Variants in GRB14 observed in about 807,000 individuals in gnomAD.
GRB14 encodes the protein growth factor receptor-bound protein 14.
A neutral mutation model predicts 69.1 loss-of-function variants in GRB14; 38 were observed. That is an observed-to-expected ratio of 0.55 (90% confidence interval 0.42 to 0.72). The LOEUF (loss-of-function observed/expected upper bound fraction) is 0.72. Ranked by LOEUF, GRB14 falls within the 30% of genes least tolerant of loss-of-function variation. The pLI is 0.00. For missense variants in GRB14, 666 were observed against 666.1 expected, an observed-to-expected ratio of 1.00 and a Z score of 0.00; for synonymous variants, 247 against 241.3, an observed-to-expected ratio of 1.02 and a Z score of -0.22.
chr2:164,526,166 AG>A (rs1687769257), intron 4 of GRB14, among the ~76,000 whole-genome samples: 1 of 152,122 alleles, frequency 6.6e-6, no homozygotes, highest in Non-Finnish European at 1.5e-5. Flanking sequence ...TTCTATTAAT[AG>A]GTTAAGATAA....
intron 2 of GRB14, among the ~76,000 whole-genome samples, chr2:164,563,177 C>G (rs965567764): frequency 1.3e-5 from 2 of 152,172 alleles, no homozygotes; most frequent in African/African-American, 4.8e-5. Context: ...CCACTTATTA[C>G]CATACCTACA....
chr2:164,553,968 T>C (rs908313234), intron 2 of GRB14, among the ~76,000 whole-genome samples: 1 of 151,992 alleles, frequency 6.6e-6, no homozygotes, highest in Non-Finnish European at 1.5e-5. Context: ...AAAGAATATA[T>C]ATATATATAA....
In GRB14 at chr2:164,603,662, C is replaced by CA. The variant is rs1257080656; in HGVS notation, c.324+16024dup. Among the ~76,000 whole-genome samples the CA allele has an allele frequency of 4.6e-3, 308 of 66,634 alleles. 1 individual carries two copies. Among genetic ancestry groups the CA allele is most frequent in the East Asian group, 0.014 (60 of 4,170 alleles). The allele number at this position is 66,634 out of a possible 152,430, so 43.7% of individuals were successfully genotyped here. ...TGGGTGACAGAGTGAGACACCACCT[C>CA]AAAAAAAAAATATATATATATTAAC... is the stretch of plus-strand genomic sequence containing the variant. On this transcript the variant is annotated intron_variant, in intron 2 of 13. Coordinates refer to ENST00000263915, the MANE Select transcript of GRB14 (RefSeq NM_004490.3).
chr2:164,578,946 A>G (rs1689322309), intron 2 of GRB14, among the ~76,000 whole-genome samples: 1 of 152,210 alleles, frequency 6.6e-6, no homozygotes, highest in Admixed American at 6.5e-5. Context: ...ATAAAATGTA[A>G]TATATTCAGA....
intron 3 of GRB14, among the ~76,000 whole-genome samples, chr2:164,529,111 A>G (rs765376247): frequency 2.0e-5 from 3 of 152,190 alleles, no homozygotes; most frequent in Non-Finnish European, 4.4e-5. Flanking sequence ...ATGCTACAAC[A>G]TAGATGAACC....
Position 164,601,041 on chromosome 2 carries a change from C to G in GRB14, c.324+18646G>C, listed in dbSNP as rs182804126. On this transcript the variant is annotated intron_variant, in intron 2 of 13. Transcript: ENST00000263915. ...ACTTCATCTACTTTGTCCAATTGTTCTCTAGGCCACAGGGCAGAATTTTTA... is the reference window on the plus strand; with the variant it reads ...ACTTCATCTACTTTGTCCAATTGTTGTCTAGGCCACAGGGCAGAATTTTTA... 1.1e-4 allele frequency among the ~76,000 whole-genome samples: 17 copies of G among 152,136 alleles called. No individual in the cohort carries two copies. In the East Asian group the frequency reaches 2.9e-3, roughly 26 times the overall value.
chr2:164,523,008 A>T lies in GRB14; in HGVS notation c.679-891T>A, dbSNP rs772788601. ...GAGACCATCACAGGTAAAAAGTCCA[A>T]TGCAACTGGAAAAGCCCTGCAGGAT... On this transcript the variant is annotated intron_variant, in intron 5 of 13. Coordinates refer to ENST00000263915, the MANE Select transcript of GRB14 (RefSeq NM_004490.3). 3.3e-5 allele frequency among the ~76,000 whole-genome samples: 5 copies of T among 152,050 alleles called. No homozygotes were observed. In the South Asian group the frequency reaches 1.0e-3, roughly 31 times the overall value.
At chr2:164,527,929 C>A (rs1574274136) in intron 3 of GRB14, among the ~76,000 whole-genome samples, 1 of 152,000 alleles carries the variant, frequency 6.6e-6, no homozygotes, top group African/African-American at 2.4e-5. Flanking sequence ...AAACTTGAAA[C>A]TACCCAAATG....
At chr2:164,582,422 T>TA (rs750552694) in intron 2 of GRB14, among the ~76,000 whole-genome samples, 2 of 114,292 alleles carry the variant, frequency 1.7e-5, no homozygotes, top group Non-Finnish European at 3.5e-5. Context: ...TATTTATTTA[T>TA]TATTTTTTTT....
intron 2 of GRB14, among the ~76,000 whole-genome samples, chr2:164,577,697 T>A (rs534077525): frequency 6.6e-6 from 1 of 152,286 alleles, no homozygotes; most frequent in South Asian, 2.1e-4. Context: ...AATAAAACTG[T>A]AGTTAGCCAA....
chr2:164,613,042 G>C (rs116278253), intron 2 of GRB14, among the ~76,000 whole-genome samples: 94 of 152,258 alleles, frequency 6.2e-4, no homozygotes, highest in African/African-American at 1.7e-3. Context: ...GGGGTTAAGG[G>C]ACCTCAGTAA....
chr2:164,577,512 G>C (rs1269925752), intron 2 of GRB14, among the ~76,000 whole-genome samples: 1 of 152,210 alleles, frequency 6.6e-6, no homozygotes, highest in Non-Finnish European at 1.5e-5. Flanking sequence ...GTGAAGACAT[G>C]CTTGCTTCCC....
At chr2:164,499,145 T>C (rs918289720) in intron 9 of GRB14, among the ~76,000 whole-genome samples, 4 of 152,188 alleles carry the variant, frequency 2.6e-5, no homozygotes, top group African/African-American at 9.6e-5. Flanking sequence ...TATCTCTCCG[T>C]TTACATGCCA....
chr2:164,578,904 A>G (rs1689321414), intron 2 of GRB14, among the ~76,000 whole-genome samples: 1 of 152,244 alleles, frequency 6.6e-6, no homozygotes, highest in Non-Finnish European at 1.5e-5. Context: ...AAATGTGGAA[A>G]CACCATATAT....
intron 3 of GRB14, among the ~76,000 whole-genome samples, chr2:164,546,471 TC>T (rs1688378840): frequency 6.6e-6 from 1 of 152,078 alleles, no homozygotes; most frequent in Non-Finnish European, 1.5e-5. Context: ...ACTGAGATTT[TC>T]CCCAGAAGTA....
At chr2:164,577,018 A>C (rs1689267466) in intron 2 of GRB14, among the ~76,000 whole-genome samples, 1 of 152,156 alleles carries the variant, frequency 6.6e-6, no homozygotes, top group Admixed American at 6.5e-5. Context: ...ATGCAAAAAA[A>C]CATAATGAAA....
chr2:164,612,894 T>A (rs1056452079), intron 2 of GRB14, among the ~76,000 whole-genome samples: 13 of 152,136 alleles, frequency 8.5e-5, no homozygotes. Context: ...ACCTTCAAAC[T>A]AGAAATAAAA....
Position 164,527,046 on chromosome 2 carries a change from A to C in GRB14, c.571T>G (p.Tyr191Asp). The C allele has an allele frequency of 6.3e-7, 1 of 1,598,974 alleles. No individual in the cohort carries two copies. The highest frequency in any genetic ancestry group is 1.1e-5 in the South Asian group (1 of 90,410). ...EENKLYFRKN[Y>D]AKYEFFKNPM... is the part of the protein sequence containing the mutation. The stretch of plus-strand genomic sequence containing the variant: ...TTTTTAAAGAACTCATATTTGGCAT[A>C]ATTTTTTCTAAAGTATAGTTTGTTT... Residue 191 changes from tyrosine to aspartate, a missense_variant, in exon 4 of 14, where the codon TAT becomes GAT. By Grantham distance (160) the Tyr-to-Asp change is radical (BLOSUM62 -3). Coordinates refer to ENST00000263915, the MANE Select transcript of GRB14 (RefSeq NM_004490.3).
intron 2 of GRB14, among the ~76,000 whole-genome samples, chr2:164,573,240 A>G (rs1689163202): frequency 6.6e-6 from 1 of 152,234 alleles, no homozygotes; most frequent in African/African-American, 2.4e-5. Flanking sequence ...TGCTTCTCCC[A>G]GAATACCTAG....
Sources: allele counts gnomAD v4.1 joint callset (sites outside exome capture counted in the v4.1 genomes callset), GRCh38; gene constraint gnomAD v4.1.1; transcripts MANE v1.5; gene names NCBI Gene and HGNC (gene_info 2026-07-23, HGNC 2026-07-21).